Variants in ADAM10 observed in about 807,000 individuals in gnomAD.
ADAM10 encodes ADAM metallopeptidase domain 10, also known as disintegrin and metalloproteinase domain-containing protein 10.
ADAM10 carries 17 observed loss-of-function variants against 90.1 expected under a neutral mutation model. That is an observed-to-expected ratio of 0.19 (90% CI 0.13 to 0.28). The LOEUF (loss-of-function observed/expected upper bound fraction) is 0.28. ADAM10 is among the 10% of genes least tolerant of loss of function. The probability of loss-of-function intolerance (pLI) is 1.00; values close to 1 mark genes in which losing one functional copy is unlikely to be tolerated. For missense variants in ADAM10, 610 were observed against 914.3 expected, an observed-to-expected ratio of 0.67 and a Z score of 4.29; for synonymous variants, 310 against 298.6, an observed-to-expected ratio of 1.04 and a Z score of -0.40.
chr15:58,611,745 A>C, intron 12 of ADAM10, 63 bp downstream of exon 12: 1 of 1,500,022 alleles, frequency 6.7e-7, no homozygotes, highest in Non-Finnish European at 9.2e-7. Context: ...TTAAGCATCA[A>C]TAATTCTTCT....
At chr15:58,602,286 T>C (rs1299151305) in intron 14 of ADAM10, among the ~76,000 whole-genome samples, 2 of 152,222 alleles carry the variant, frequency 1.3e-5, no homozygotes, top group African/African-American at 4.8e-5. Flanking sequence ...CCTTGGAACC[T>C]GCCAAAGAGC....
At chr15:58,658,374 A>G (rs1896883880) in intron 5 of ADAM10, among the ~76,000 whole-genome samples, 2 of 152,224 alleles carry the variant, frequency 1.3e-5, no homozygotes, top group African/African-American at 4.8e-5. Flanking sequence ...CCTTAGGTCA[A>G]GATGACACTA....
intron 1 of ADAM10, among the ~76,000 whole-genome samples, chr15:58,722,134 G>C (rs1393024380): frequency 6.6e-6 from 1 of 152,006 alleles, no homozygotes; most frequent in Non-Finnish European, 1.5e-5. Flanking sequence ...GAGGTCAAGA[G>C]TTCAAGGCCA....
At chr15:58,647,248 A>ATTTTTTT (rs67378373) in intron 5 of ADAM10, among the ~76,000 whole-genome samples, 1,849 of 59,474 alleles carry the variant, frequency 0.031, 634 homozygotes, top group Non-Finnish European at 0.046. Flanking sequence ...GACACTAAGT[A>ATTTTTTT]TTTTTTTTTT....
In ADAM10 at chr15:58,610,331, G is replaced by A. The variant is rs1348138664; in HGVS notation, c.1991C>T (p.Pro664Leu). 7 of 1,613,926 alleles carry A rather than the reference G, an allele frequency of 4.3e-6. No homozygotes were observed. Among genetic ancestry groups the A allele is most frequent in the Admixed American group, 1.7e-5 (1 of 60,000 alleles). ...TTCAGCAATGTTTTCATAGAGCTCT[G>A]GACTAAAAATTGCTTTTTTAAGCCT... ...LARLKKAIFS[P>L]ELYENIAEWI... The change falls in exon 14 of 16, where the codon CCA becomes CTA. Residue 664 changes from proline (P) to leucine (L), a missense_variant. Pro to Leu is a moderately conservative substitution (Grantham distance 98). Around this residue, in one of 4 missense-constraint regions of ADAM10, gnomAD observed 150 missense variants for 268.5 expected, o/e 0.56. Coordinates refer to ENST00000260408, the MANE Select transcript of ADAM10 (RefSeq NM_001110.4).
chr15:58,640,314 G>A (rs1896382178), intron 8 of ADAM10, among the ~76,000 whole-genome samples: 1 of 151,986 alleles, frequency 6.6e-6, no homozygotes, highest in Admixed American at 6.6e-5. Context: ...ATAAAGGCAG[G>A]CTTTCTTTTC....
intron 13 of ADAM10, 122 bp from the exon 14 acceptor site, chr15:58,610,639 T>C (rs1595988276): frequency 2.1e-6 from 2 of 931,730 alleles, no homozygotes; most frequent in Non-Finnish European, 3.4e-6. Context: ...TAACATGTTA[T>C]ACAGACCTTC....
In ADAM10 at chr15:58,721,444, A is replaced by G. The variant is rs80331554; in HGVS notation, c.56-3717T>C. Among the ~76,000 whole-genome samples the G allele has an allele frequency of 9.0e-3, 1,373 of 152,336 alleles. 10 individuals are homozygous for G. The highest frequency in any genetic ancestry group is 0.015 in the Non-Finnish European group (1,042 of 68,030). On this transcript the variant is annotated intron_variant, in intron 1 of 15. Coordinates refer to ENST00000260408, the MANE Select transcript of ADAM10 (RefSeq NM_001110.4). ...TCTCAGTACTGTGGGAAAAAAACTT[A>G]TATTAAGATAATGTATGAAATTGAA...
intron 8 of ADAM10, among the ~76,000 whole-genome samples, chr15:58,637,815 G>A (rs1896305043): frequency 1.3e-5 from 2 of 151,970 alleles, no homozygotes; most frequent in African/African-American, 2.4e-5. Context: ...TAGCTGTGTG[G>A]TATTAGGTTG....
intron 2 of ADAM10, chr15:58,691,046 C>T (rs2140771311): frequency 1.8e-6 from 1 of 570,662 alleles, no homozygotes; most frequent in South Asian, 1.5e-5. Flanking sequence ...TCATATAACC[C>T]ATCATAGAGT....
chr15:58,707,541 A>T (rs149023168), intron 2 of ADAM10, among the ~76,000 whole-genome samples: 136 of 152,364 alleles, frequency 8.9e-4, no homozygotes, highest in African/African-American at 3.1e-3. Context: ...ACTAAAACTT[A>T]AAATGAGTAA....
chr15:58,684,845 C>A (rs1192367504), intron 2 of ADAM10, among the ~76,000 whole-genome samples: 2 of 152,122 alleles, frequency 1.3e-5, no homozygotes, highest in Non-Finnish European at 2.9e-5. Flanking sequence ...TAGGAATGGG[C>A]CCTTAAGCTG....
chr15:58,733,376 T>A (rs1489067019), intron 1 of ADAM10, among the ~76,000 whole-genome samples: 2 of 152,306 alleles, frequency 1.3e-5, no homozygotes, highest in African/African-American at 2.4e-5. Flanking sequence ...AAGACCTGGG[T>A]TGGGGTCTGC....
chr15:58,640,181 G>A (rs897509746), intron 8 of ADAM10, among the ~76,000 whole-genome samples: 1 of 152,234 alleles, frequency 6.6e-6, no homozygotes, highest in Non-Finnish European at 1.5e-5. Context: ...CTAAGGCAGA[G>A]ACTCGGCAGA....
intron 1 of ADAM10, chr15:58,749,042 G>GGA: frequency 2.5e-6 from 1 of 399,096 alleles, no homozygotes; most frequent in Non-Finnish European, 4.4e-6. Context: ...AGGGGCTGGG[G>GGA]GAGGAATGGT....
At chr15:58,715,557 A>T (rs1216487668) in intron 2 of ADAM10, among the ~76,000 whole-genome samples, 1 of 152,188 alleles carries the variant, frequency 6.6e-6, no homozygotes, top group African/African-American at 2.4e-5. Flanking sequence ...TCTGTAATGT[A>T]ACACATCACA....
intron 2 of ADAM10, among the ~76,000 whole-genome samples, chr15:58,702,035 G>A (rs533264290): frequency 1.3e-5 from 2 of 152,266 alleles, no homozygotes; most frequent in Admixed American, 6.5e-5. Context: ...GATCCAGGGA[G>A]GCGGAGGTTG....
intron 14 of ADAM10, among the ~76,000 whole-genome samples, chr15:58,605,910 A>C (rs1490826700): frequency 6.6e-6 from 1 of 152,164 alleles, no homozygotes; most frequent in East Asian, 1.9e-4. Context: ...TCTAAATATA[A>C]ACAAAAAGAA....
chr15:58,728,296 CT>C (rs1253136772), intron 1 of ADAM10, among the ~76,000 whole-genome samples: 1 of 152,024 alleles, frequency 6.6e-6, no homozygotes, highest in African/African-American at 2.4e-5. Flanking sequence ...GCCCAGGGAG[CT>C]TTTTGGATTG....
Sources: gnomAD v4.1 joint callset for allele counts (sites outside exome capture counted in the v4.1 genomes callset) on GRCh38, gnomAD v4.1.1 for gene constraint, gnomAD v4.1.1 regional missense constraint, MANE v1.5 for transcripts, NCBI Gene and HGNC (gene_info 2026-07-23, HGNC 2026-07-21) for gene names.